CFAP74: variants seen among roughly 807,000 people sequenced by gnomAD.
The protein encoded by CFAP74 is cilia- and flagella-associated protein 74.
Under a neutral mutation model 188.9 loss-of-function variants are expected in CFAP74, and 124 were observed. The observed-to-expected ratio is 0.66, with a 90% CI of 0.57 to 0.76. The LOEUF (loss-of-function observed/expected upper bound fraction) is 0.76, where lower values mean the gene tolerates loss of function less well. CFAP74 is among the 30% of genes least tolerant of loss of function. CFAP74 has a pLI of 0.00. For missense variants in CFAP74, 2,198 were observed against 2,165.2 expected, an observed-to-expected ratio of 1.02 and a Z score of -0.30; for synonymous variants, 956 against 916.7, an observed-to-expected ratio of 1.04 and a Z score of -0.77.
chr1:1,932,951 T>G (rs550170287), intron 25 of CFAP74, among the ~76,000 whole-genome samples: 1 of 150,324 alleles, frequency 6.7e-6, no homozygotes, highest in African/African-American at 2.5e-5. Context: ...AGTGGTGCGA[T>G]CTCGGCTCAC....
chr1:1,929,992 A>T (rs1570827559), intron 26 of CFAP74, 68 bp downstream of exon 26: 12 of 1,439,130 alleles, frequency 8.3e-6, no homozygotes, highest in Non-Finnish European at 9.2e-6. Context: ...AGAGCCAGAC[A>T]CCCCAGGGGT....
At chr1:1,925,640 G>A in intron 33 of CFAP74, 143 bp downstream of exon 33, 1 of 832,544 alleles carries the variant, frequency 1.2e-6, no homozygotes, top group Non-Finnish European at 1.8e-6. Context: ...CGGCAGCTGT[G>A]TAGAGGAGGG....
chr1:1,983,298 C>A (rs1174697678), intron 6 of CFAP74, among the ~76,000 whole-genome samples: 1 of 152,234 alleles, frequency 6.6e-6, no homozygotes, highest in Admixed American at 6.5e-5. Context: ...GCGGGATTTC[C>A]CAGCCTCAAA....
In CFAP74 at chr1:1,925,842, C is replaced by T. The variant is rs778513432; in HGVS notation, c.4045G>A (p.Gly1349Ser). Residue 1349 changes from glycine (G) to serine (S), a missense_variant, in exon 33 of 39, where the codon GGC becomes AGC. Gly to Ser is a moderately conservative substitution (Grantham distance 56). Transcript: ENST00000682832. ...ACATAGCCCATGTTGAGGACGCTGC[C>T]TTCAATGGAGCACGTGATCATGGAC... ...VASMITCSIE[G>S]SVLNMGYVIA... 11 of 1,612,734 alleles carry T rather than the reference C, an allele frequency of 6.8e-6. No homozygotes were observed. The highest frequency in any genetic ancestry group is 8.5e-6 in the Non-Finnish European group (10 of 1,179,926).
intron 14 of CFAP74, among the ~76,000 whole-genome samples, chr1:1,961,172 G>A (rs533508917): frequency 3.0e-4 from 46 of 152,252 alleles, no homozygotes; most frequent in South Asian, 8.3e-4. Context: ...CCAACCCGAC[G>A]GGGAGGTTTC....
intron 2 of CFAP74, among the ~76,000 whole-genome samples, chr1:1,990,542 G>C (rs1012794631): frequency 1.2e-4 from 19 of 152,078 alleles, no homozygotes; most frequent in Admixed American, 2.6e-4. Flanking sequence ...CCAAATCAAG[G>C]CACGTCTCAG....
At chr1:1,970,962 T>TG (rs1655937952) in intron 9 of CFAP74, 146 bp from the exon 10 acceptor site, 4 of 936,508 alleles carry the variant, frequency 4.3e-6, no homozygotes, top group Non-Finnish European at 3.2e-6. Flanking sequence ...CATGCACACA[T>TG]CACACATGCA....
At position 1,970,694 on chromosome 1, in the gene CFAP74, G is replaced by C. The variant is rs200829667; in HGVS notation, c.1011C>G (p.His337Gln). The change falls in exon 10 of 39, where the codon CAC becomes CAG. Residue 337 changes from histidine to glutamine, a missense_variant. Coordinates refer to ENST00000682832, the MANE Select transcript of CFAP74 (RefSeq NM_001304360.2). ...QGRDAFRHLV[H>Q]QRRRQELEAQ... ...CCTCCAGCTCCTGGCGCCGGCGCTG[G>C]TGGACAAGGTGCCTGAATGCATCCC... The C allele has an allele frequency of 1.6e-4, 257 of 1,613,480 alleles. No individual in the cohort carries two copies. In the African/African-American group the frequency reaches 2.9e-3, roughly 18 times the overall value.
chr1:1,981,143 TTGG>T (rs769741248), intron 6 of CFAP74, among the ~76,000 whole-genome samples: 5 of 152,194 alleles, frequency 3.3e-5, no homozygotes, highest in Non-Finnish European at 7.4e-5. Context: ...GCTCTCTCCG[TTGG>T]GCTCTACCGC....
intron 16 of CFAP74, among the ~76,000 whole-genome samples, chr1:1,958,044 C>CT (rs1408849168): frequency 1.3e-5 from 2 of 152,250 alleles, no homozygotes; most frequent in African/African-American, 2.4e-5. Flanking sequence ...TATGAAGAAA[C>CT]TGAGAGGAAA....
rs138797759 is a variant in CFAP74, at chr1:1,992,869, G to A, written c.-19-1894C>T. ...TTGCTCGTGTGGAACTCTTGGTACC[G>A]AATCTTCTGTGTCCAGATGTTGGAA... On this transcript the variant is annotated intron_variant, in intron 1 of 38. Transcript: ENST00000682832. 6.5e-3 allele frequency among the ~76,000 whole-genome samples: 984 copies of A among 152,048 alleles called. 10 individuals are homozygous for A. The highest frequency in any genetic ancestry group is 0.023 in the African/African-American group (944 of 41,478).
chr1:1,989,492 T>C (rs1265728321), intron 2 of CFAP74, among the ~76,000 whole-genome samples: 3 of 149,618 alleles, frequency 2.0e-5, no homozygotes, highest in Non-Finnish European at 2.9e-5. Flanking sequence ...TGACGTGGAG[T>C]CTCTGTTGCC....
chr1:1,995,737 G>A (rs1333514992), intron 1 of CFAP74, among the ~76,000 whole-genome samples: 4 of 151,400 alleles, frequency 2.6e-5, no homozygotes, highest in African/African-American at 7.3e-5. Flanking sequence ...GTGAAACCCC[G>A]TCTCTACTAA....
Position 1,973,611 on chromosome 1 carries a change from T to C in CFAP74, c.674+414A>G, listed in dbSNP as rs1429663421. 6.6e-6 allele frequency among the ~76,000 whole-genome samples: 1 copy of C among 151,228 alleles called. No homozygotes were observed. Among genetic ancestry groups the C allele is most frequent in the Non-Finnish European group, 1.5e-5 (1 of 67,808 alleles). On this transcript the variant is annotated intron_variant, in intron 7 of 38. Transcript: ENST00000682832. The surrounding 1 kb of genome is among the most constrained non-coding windows in gnomAD (Gnocchi z 6.2). ...ACAGAAGACGTGTGGGGAATGGGCCTGAGTGCTCCACAGCCACGCAGGTGG... is the reference window on the plus strand; with the variant it reads ...ACAGAAGACGTGTGGGGAATGGGCCCGAGTGCTCCACAGCCACGCAGGTGG...
At chr1:1,959,557 C>T (rs1198163382) in intron 15 of CFAP74, among the ~76,000 whole-genome samples, 2 of 152,240 alleles carry the variant, frequency 1.3e-5, no homozygotes, top group Admixed American at 6.5e-5. Flanking sequence ...TAAGCCACCA[C>T]ACCCCTCCCT....
intron 16 of CFAP74, among the ~76,000 whole-genome samples, chr1:1,957,040 C>T (rs1006122963): frequency 6.6e-5 from 10 of 152,208 alleles, no homozygotes; most frequent in East Asian, 1.9e-4. Flanking sequence ...AGTGAGAGGA[C>T]GCAGGGCCCG....
intron 1 of CFAP74, among the ~76,000 whole-genome samples, chr1:2,000,281 C>T (rs557161138): frequency 1.3e-5 from 2 of 152,364 alleles, no homozygotes; most frequent in African/African-American, 4.8e-5. Context: ...GACAGCCCCA[C>T]AGCAAAATGG....
chr1:1,969,648 A>G (rs2102076191), intron 10 of CFAP74, among the ~76,000 whole-genome samples: 1 of 152,320 alleles, frequency 6.6e-6, no homozygotes, highest in Middle Eastern at 3.4e-3. Context: ...TGCCTCCTAC[A>G]TGCCAGGCCT....
chr1:1,928,859 G>A lies in CFAP74; in HGVS notation c.3312C>T (p.Phe1104=), dbSNP rs111261748. 4,398 of 1,535,592 alleles carry A rather than the reference G, an allele frequency of 2.9e-3. 12 individuals carry two copies. The highest frequency in any genetic ancestry group is 6.5e-3 in the South Asian group (543 of 84,064). ...TCAGCTTCTCGGGCAGCACTGGCCG[G>A]AAGGCCACCTGGACCAGGCACCTCT... ...PGKRCLVQVA[F]RPVLPEKLIR... Residue 1104 remains phenylalanine (F), a synonymous_variant, in exon 27 of 39, where the codon TTC becomes TTT. Transcript: ENST00000682832.
Sources: allele counts gnomAD v4.1 joint callset (sites outside exome capture counted in the v4.1 genomes callset), GRCh38; gene constraint gnomAD v4.1.1; non-coding constraint Gnocchi (gnomAD v3.1); transcripts MANE v1.5; gene names NCBI Gene and HGNC (gene_info 2026-07-23, HGNC 2026-07-21).